Variants in SUSD1 observed in about 807,000 individuals in gnomAD.
SUSD1 encodes the protein sushi domain containing 1.
In SUSD1, 65 loss-of-function variants were observed where a neutral mutation model predicts 86.9. The observed-to-expected ratio is 0.75, with a 90% CI of 0.61 to 0.92. The LOEUF is 0.92. Ranked by LOEUF, SUSD1 falls within the 40% of genes least tolerant of loss-of-function variation. The pLI is 0.00. For synonymous variants in SUSD1, 346 were observed against 350.0 expected, an observed-to-expected ratio of 0.99 and a Z score of 0.13; for missense variants, 850 against 929.7, an observed-to-expected ratio of 0.91 and a Z score of 1.11.
At chr9:112,048,806 G>T (rs145701394) in intron 15 of SUSD1, among the ~76,000 whole-genome samples, 132 of 152,326 alleles carry the variant, frequency 8.7e-4, no homozygotes, top group African/African-American at 3.1e-3. Context: ...ATTCACAGGT[G>T]GGTGATCAGG....
At chr9:112,142,625 G>T (rs1832629237) in intron 4 of SUSD1, 126 bp from the exon 5 acceptor site, 1 of 853,704 alleles carries the variant, frequency 1.2e-6, no homozygotes, top group Non-Finnish European at 1.8e-6. Context: ...AAGTACACTG[G>T]TTCATTCCCA....
intron 1 of SUSD1, among the ~76,000 whole-genome samples, chr9:112,162,072 T>C (rs1266300700): frequency 2.0e-5 from 3 of 152,182 alleles, no homozygotes; most frequent in Non-Finnish European, 4.4e-5. Context: ...TATTGAGATA[T>C]AATATGCACA....
In SUSD1 at chr9:112,127,189, T is replaced by C. The variant is rs559163515; in HGVS notation, c.707-2753A>G. On this transcript the variant is annotated intron_variant, in intron 5 of 16. Transcript: ENST00000374270. ...GAGTTTGAGACCAGCCTGGCCAACA[T>C]GGCAAAACCCCATCTCTACTAAAAA... Among the ~76,000 whole-genome samples the C allele has an allele frequency of 3.3e-5, 5 of 152,114 alleles. No homozygotes were observed. The East Asian group carries it at 7.7e-4, about 24-fold the overall frequency.
intron 5 of SUSD1, among the ~76,000 whole-genome samples, chr9:112,131,611 C>G (rs1832036647): frequency 6.6e-6 from 1 of 152,068 alleles, no homozygotes; most frequent in African/African-American, 2.4e-5. Flanking sequence ...CCAACAGAGG[C>G]CACAGTGGGA....
intron 1 of SUSD1, among the ~76,000 whole-genome samples, chr9:112,159,845 A>G (rs1833490633): frequency 6.6e-6 from 1 of 152,138 alleles, no homozygotes. Context: ...TCTGAGATAG[A>G]ATAAATATTC....
At chr9:112,070,538 G>C (rs1369126587) in intron 12 of SUSD1, among the ~76,000 whole-genome samples, 3 of 152,190 alleles carry the variant, frequency 2.0e-5, no homozygotes, top group Admixed American at 2.0e-4. Context: ...AATGGGTCCT[G>C]CCTGTGCTGG....
intron 2 of SUSD1, among the ~76,000 whole-genome samples, chr9:112,153,640 T>G (rs1257922551): frequency 6.7e-6 from 1 of 149,170 alleles, no homozygotes; most frequent in Non-Finnish European, 1.5e-5. Context: ...TGAGACGGAG[T>G]TTTGCTCTTG....
chr9:112,160,181 A>C (rs1240604958), intron 1 of SUSD1, among the ~76,000 whole-genome samples: 1 of 152,218 alleles, frequency 6.6e-6, no homozygotes, highest in African/African-American at 2.4e-5. Context: ...AATTACATAA[A>C]AGACTAGGAA....
chr9:112,098,389 C>T (rs1241152259), intron 10 of SUSD1, 81 bp downstream of exon 10: 1 of 1,412,696 alleles, frequency 7.1e-7, no homozygotes, highest in African/African-American at 1.4e-5. Flanking sequence ...CCCAAACTAG[C>T]ACTCTTATGC....
intron 5 of SUSD1, among the ~76,000 whole-genome samples, chr9:112,127,486 C>T (rs2131698480): frequency 6.6e-6 from 1 of 152,298 alleles, no homozygotes; most frequent in South Asian, 2.1e-4. Context: ...CAGGTGCACT[C>T]TTTCACCCTC....
At chr9:112,136,133 C>T (rs1449175866) in intron 5 of SUSD1, among the ~76,000 whole-genome samples, 1 of 152,228 alleles carries the variant, frequency 6.6e-6, no homozygotes, top group East Asian at 1.9e-4. Context: ...CTGTTGCATG[C>T]AACGGGTAAG....
intron 10 of SUSD1, among the ~76,000 whole-genome samples, chr9:112,092,136 A>T (rs1830229058): frequency 6.6e-6 from 1 of 152,208 alleles, no homozygotes; most frequent in Admixed American, 6.5e-5. Flanking sequence ...ATCAAATCTC[A>T]GTTGAGGGAA....
At chr9:112,125,867 T>TCCAGA (rs1341990815) in intron 5 of SUSD1, among the ~76,000 whole-genome samples, 1 of 152,236 alleles carries the variant, frequency 6.6e-6, no homozygotes, top group African/African-American at 2.4e-5. Context: ...ATGCTTGGGC[T>TCCAGA]GTTGCAGGAC....
chr9:112,041,591 G>C (rs916383075), intron 16 of SUSD1, 99 bp from the exon 17 acceptor site: 1 of 763,520 alleles, frequency 1.3e-6, no homozygotes, highest in Non-Finnish European at 2.4e-6. Flanking sequence ...ACCCATGGGA[G>C]GAGGCGAGGG....
At chr9:112,050,137 A>C (rs1352254346) in intron 15 of SUSD1, among the ~76,000 whole-genome samples, 2 of 152,308 alleles carry the variant, frequency 1.3e-5, no homozygotes, top group East Asian at 3.9e-4. Context: ...GCCATGCCCA[A>C]TCCTAGAGCT....
chr9:112,075,333 T>A (rs936296967), intron 12 of SUSD1, among the ~76,000 whole-genome samples: 5 of 152,106 alleles, frequency 3.3e-5, no homozygotes, highest in African/African-American at 1.2e-4. Context: ...TCTTACCCAC[T>A]GAGGGTTGAA....
At chr9:112,171,244 A>C (rs1042558630) in intron 1 of SUSD1, among the ~76,000 whole-genome samples, 3 of 150,978 alleles carry the variant, frequency 2.0e-5, no homozygotes, top group African/African-American at 7.3e-5. Context: ...AACCACCACC[A>C]CCCCCAACCC....
intron 5 of SUSD1, among the ~76,000 whole-genome samples, chr9:112,136,790 C>T (rs146344817): frequency 7.2e-5 from 11 of 152,248 alleles, no homozygotes; most frequent in Non-Finnish European, 1.6e-4. Context: ...CAATTTATGT[C>T]GAAGCTTTTT....
At chr9:112,090,580 C>T (rs545556989) in intron 10 of SUSD1, among the ~76,000 whole-genome samples, 32 of 152,074 alleles carry the variant, frequency 2.1e-4, no homozygotes, top group African/African-American at 6.5e-4. Context: ...AAAGTATAGA[C>T]CAACATTACT....
Sources: allele counts gnomAD v4.1 joint callset (sites outside exome capture counted in the v4.1 genomes callset), GRCh38; gene constraint gnomAD v4.1.1; transcripts MANE v1.5; gene names NCBI Gene and HGNC (gene_info 2026-07-23, HGNC 2026-07-21).